CARD14: variants seen among roughly 807,000 people sequenced by gnomAD.
The protein encoded by CARD14 is caspase recruitment domain-containing protein 14.
In CARD14, 107 loss-of-function variants were observed where a neutral mutation model predicts 111.5. The observed-to-expected ratio is 0.96, with a 90% confidence interval of 0.82 to 1.13. The LOEUF (loss-of-function observed/expected upper bound fraction) is 1.13. Among genes scored for constraint, CARD14 ranks in the 50% most tolerant of loss-of-function variants. The pLI is 0.00. For missense variants in CARD14, 1,322 were observed against 1,362.3 expected, an observed-to-expected ratio of 0.97 and a Z score of 0.47; for synonymous variants, 617 against 579.6, an observed-to-expected ratio of 1.06 and a Z score of -0.93.
chr17:80,185,471 C>T (rs1250350921), intron 7 of CARD14, among the ~76,000 whole-genome samples: 4 of 152,196 alleles, frequency 2.6e-5, no homozygotes, highest in Admixed American at 2.6e-4. Context: ...ATAATACCCA[C>T]CTACCCTTGC....
In CARD14 at chr17:80,205,226, C is replaced by G. The variant is rs764893410; in HGVS notation, c.2569+21C>G. 6 of 1,582,622 alleles carry G rather than the reference C, an allele frequency of 3.8e-6. No homozygotes were observed. In the East Asian group the frequency reaches 9.0e-5, roughly 24 times the overall value. Reference sequence around the variant, plus strand: ...GGCAGGTATGCTGTTGCCTGGGAATCCCTCTACCCCTTCCACCTTCCCTCC... The same window carrying G: ...GGCAGGTATGCTGTTGCCTGGGAATGCCTCTACCCCTTCCACCTTCCCTCC... On this transcript the variant is annotated intron_variant, in intron 21 of 23. Coordinates refer to ENST00000648509, the MANE Select transcript of CARD14 (RefSeq NM_001366385.1).
At chr17:80,172,482 T>A (rs1359577520) in intron 1 of CARD14, among the ~76,000 whole-genome samples, 1 of 152,208 alleles carries the variant, frequency 6.6e-6, no homozygotes, top group African/African-American at 2.4e-5. Flanking sequence ...CTTTCCCCAC[T>A]TCAGCCAGTA....
intron 2 of CARD14, among the ~76,000 whole-genome samples, chr17:80,175,660 G>A (rs1280625007): frequency 1.3e-5 from 2 of 152,164 alleles, no homozygotes; most frequent in Non-Finnish European, 2.9e-5. Context: ...GCTCCTGCCC[G>A]ACACCTCCAG....
In CARD14 at chr17:80,208,156, G is replaced by T; in HGVS notation, c.2826G>T (p.Leu942Phe). 6 of 1,544,376 alleles carry T rather than the reference G, an allele frequency of 3.9e-6. No homozygotes were observed. Among genetic ancestry groups the T allele is most frequent in the African/African-American group, 1.4e-5 (1 of 73,088 alleles). Residue 942 changes from leucine (L) to phenylalanine (F), a missense_variant, in exon 24 of 24, where the codon TTG becomes TTT. Transcript: ENST00000648509. ...TGTGCAGGAAGGGCCTACAGCGGTT[G>T]GGCACCTCAGAGGAGCAGCTCCTGG... is the stretch of plus-strand genomic sequence containing the variant. ...AKKLKKGLQR[L>F]GTSEEQLLEA...
chr17:80,203,891 GC>G lies in CARD14; in HGVS notation c.2283+7del. The stretch of plus-strand genomic sequence containing the variant: ...AGTGCACCGTGACCCGCAAGGTGAG[GC>G]TCCAGGGAGGGGCCTGGACCCCACT... On this transcript the variant is annotated splice_region_variant and intron_variant, in intron 19 of 23. Transcript: ENST00000648509. This position sits in a 1 kb window ranked among gnomAD's most constrained non-coding sequence, Gnocchi z 4.6. The G allele has an allele frequency of 6.3e-7, 1 of 1,592,150 alleles. No homozygotes were observed. Among genetic ancestry groups the G allele is most frequent in the East Asian group, 2.3e-5 (1 of 44,256 alleles).
rs1469389623 is a variant in CARD14, at chr17:80,198,937, TTTTC to T, written c.1851+354_1851+357del. 139 of 1,150,194 alleles carry T rather than the reference TTTTC, an allele frequency of 1.2e-4. 1 individual carries two copies. Among genetic ancestry groups the T allele is most frequent in the African/African-American group, 9.7e-4 (60 of 62,092 alleles). The allele number at this position is 1,150,194 out of a possible 1,614,324, so 71.2% of individuals were successfully genotyped here. ...ACTATTTTAACCACTGGGGCATTTCTTTTCTTTCTTTTTTTTTGTTTGTTGTTTT... is the reference window on the plus strand; with the variant it reads ...ACTATTTTAACCACTGGGGCATTTCTTTTCTTTTTTTTTGTTTGTTGTTTT... On this transcript the variant is annotated intron_variant, in intron 16 of 23. Coordinates refer to ENST00000648509, the MANE Select transcript of CARD14 (RefSeq NM_001366385.1). The surrounding 1 kb of genome is among the most constrained non-coding windows in gnomAD (Gnocchi z 7.5).
Position 80,188,233 on chromosome 17 carries a change from C to T in CARD14, c.676-144C>T. 1.2e-6 allele frequency: 1 copy of T among 822,440 alleles called. No individual in the cohort carries two copies. The highest frequency in any genetic ancestry group is 1.8e-6 in the Non-Finnish European group (1 of 563,892). 50.9% of individuals were successfully genotyped at this position (822,440 alleles called of 1,614,324 possible). On this transcript the variant is annotated intron_variant, in intron 7 of 23. Coordinates refer to ENST00000648509, the MANE Select transcript of CARD14 (RefSeq NM_001366385.1). The surrounding 1 kb of genome is among the most constrained non-coding windows in gnomAD (Gnocchi z 4.5). ...TTTGGGACTATTCATTAGGTGAACC[C>T]TTTCGTGGGTTTTTCAGTCTCGAGG...
At chr17:80,194,065 C>T (rs2040623408) in intron 12 of CARD14, among the ~76,000 whole-genome samples, 1 of 152,124 alleles carries the variant, frequency 6.6e-6, no homozygotes, top group South Asian at 2.1e-4. Context: ...TCTGGCTGCT[C>T]TAGGGGGACT....
chr17:80,207,123 C>A (rs374562482), intron 23 of CARD14, 38 bp downstream of exon 23: 8 of 1,492,588 alleles, frequency 5.4e-6, no homozygotes, highest in Admixed American at 1.7e-5. Context: ...GGCTTCGAAG[C>A]GGCTCCTGGG....
In CARD14 at chr17:80,198,428, G is replaced by A. The variant is rs749677337; in HGVS notation, c.1688G>A (p.Arg563His). 8.7e-6 allele frequency: 14 copies of A among 1,607,396 alleles called. No homozygotes were observed. Among genetic ancestry groups the A allele is most frequent in the Middle Eastern group, 1.6e-4 (1 of 6,064 alleles). Residue 563 changes from arginine to histidine, a missense_variant, in exon 16 of 24, where the codon CGC (arginine) becomes CAC (histidine). By Grantham distance (29) the Arg-to-His change is conservative. Coordinates refer to ENST00000648509, the MANE Select transcript of CARD14 (RefSeq NM_001366385.1). The surrounding 1 kb of genome is among the most constrained non-coding windows in gnomAD (Gnocchi z 7.5). ...GTCCTCATGCGGCGGAGGCCAGCCC[G>A]CAGGATCCTGAGCCAGGTCACCATG... ...SGVLMRRRPA[R>H]RILSQVTMLA... is the part of the protein sequence containing the mutation.
In CARD14 at chr17:80,195,205, G is replaced by A. The variant is rs62074378; in HGVS notation, c.1371G>A (p.Ser457=). The change falls in exon 13 of 24, where the codon TCG becomes TCA. Residue 457 remains serine (S), a synonymous_variant. Coordinates refer to ENST00000648509, the MANE Select transcript of CARD14 (RefSeq NM_001366385.1). This position sits in a 1 kb window ranked among gnomAD's most constrained non-coding sequence, Gnocchi z 4.7. ...LVSSTESQLL[S]DLSATSSREL... ...CCCTCCTCCAGTCTCAGCTCTTGTCGGACCTGAGTGCCACGTCCAGCCGCG... is the reference window on the plus strand; with the variant it reads ...CCCTCCTCCAGTCTCAGCTCTTGTCAGACCTGAGTGCCACGTCCAGCCGCG... The A allele has an allele frequency of 0.042, 66,913 of 1,608,020 alleles. 1,584 individuals carry two copies. Among genetic ancestry groups the A allele is most frequent in the Non-Finnish European group, 0.048 (55,969 of 1,177,064 alleles).
At position 80,184,187 on chromosome 17, in the gene CARD14, G is replaced by T; in HGVS notation, c.624G>T (p.Ala208=). The T allele has an allele frequency of 1.3e-6, 2 of 1,559,854 alleles. No homozygotes were observed. The highest frequency in any genetic ancestry group is 1.7e-6 in the Non-Finnish European group (2 of 1,151,988). ...MLSLSLHYSN[A]LQEKELAASR... is the part of the protein sequence containing the mutation. ...GCCTCTCGCTGCACTATAGCAATGC[G>T]CTGCAGGAGAAGGAGCTGGCCGCCT... Residue 208 remains alanine, a synonymous_variant, in exon 7 of 24, where the codon GCG becomes GCT. Transcript: ENST00000648509.
Position 80,189,594 on chromosome 17 carries a change from G to A in CARD14, c.844-159G>A, listed in dbSNP as rs2040451407. On this transcript the variant is annotated intron_variant, in intron 8 of 23. Transcript: ENST00000648509. This position sits in a 1 kb window ranked among gnomAD's most constrained non-coding sequence, Gnocchi z 4.7. ...TGCACTTTTCCCAGGCATGATGGGT[G>A]GCTTTTCCGTGGCTTCTCTCCTGCC... is the stretch of plus-strand genomic sequence containing the variant. Among the ~76,000 whole-genome samples, 1 of 152,184 alleles carries A rather than the reference G, an allele frequency of 6.6e-6. No homozygotes were observed. Among genetic ancestry groups the A allele is most frequent in the South Asian group, 2.1e-4 (1 of 4,830 alleles).
chr17:80,181,407 C>T lies in CARD14; in HGVS notation c.-20-12C>T. ...TACCTGACAACTCCACCCCCATGGC[C>T]ACCCCTCCTAGGGTCCTCCCAGCGC... On this transcript the variant is annotated splice_polypyrimidine_tract_variant and intron_variant, in intron 4 of 23. Coordinates refer to ENST00000648509, the MANE Select transcript of CARD14 (RefSeq NM_001366385.1). 1 of 1,543,682 alleles carries T rather than the reference C, an allele frequency of 6.5e-7. No homozygotes were observed. Among genetic ancestry groups the T allele is most frequent in the Non-Finnish European group, 8.8e-7 (1 of 1,140,744 alleles).
chr17:80,179,740 G>A (rs890915765), intron 4 of CARD14, among the ~76,000 whole-genome samples: 2 of 152,202 alleles, frequency 1.3e-5, no homozygotes, highest in African/African-American at 4.8e-5. Context: ...GCTGAGGTGG[G>A]AGGATTGCTT....
chr17:80,185,472 C>T (rs1179397100), intron 7 of CARD14, among the ~76,000 whole-genome samples: 1 of 152,154 alleles, frequency 6.6e-6, no homozygotes, highest in African/African-American at 2.4e-5. Flanking sequence ...TAATACCCAC[C>T]TACCCTTGCT....
At chr17:80,175,672 C>T (rs572009825) in intron 2 of CARD14, among the ~76,000 whole-genome samples, 8 of 152,160 alleles carry the variant, frequency 5.3e-5, no homozygotes, top group African/African-American at 1.9e-4. Flanking sequence ...CACCTCCAGG[C>T]AGAGAACAGG....
Position 80,198,731 on chromosome 17 carries a change from A to T in CARD14, c.1851+140A>T, listed in dbSNP as rs972099316. 9 of 1,556,782 alleles carry T rather than the reference A, an allele frequency of 5.8e-6. No individual in the cohort carries two copies. Among genetic ancestry groups the T allele is most frequent in the Non-Finnish European group, 7.8e-6 (9 of 1,153,478 alleles). On this transcript the variant is annotated intron_variant, in intron 16 of 23. Coordinates refer to ENST00000648509, the MANE Select transcript of CARD14 (RefSeq NM_001366385.1). The surrounding 1 kb of genome is among the most constrained non-coding windows in gnomAD (Gnocchi z 7.5). ...TGGGCCTCTGCTCTTTCCTGGGCTG[A>T]CGTAAAGCGTTCTGCTCATTTATAG... is the stretch of plus-strand genomic sequence containing the variant.
At chr17:80,177,532 C>T (rs2144111643) in intron 2 of CARD14, among the ~76,000 whole-genome samples, 1 of 152,166 alleles carries the variant, frequency 6.6e-6, no homozygotes, top group East Asian at 1.9e-4. Flanking sequence ...CTTGTCTCTA[C>T]TAAAAATAAA....
Sources: gnomAD v4.1 joint callset for allele counts (sites outside exome capture counted in the v4.1 genomes callset) on GRCh38, gnomAD v4.1.1 for gene constraint, Gnocchi (gnomAD v3.1) non-coding constraint, MANE v1.5 for transcripts, NCBI Gene and HGNC (gene_info 2026-07-23, HGNC 2026-07-21) for gene names.